Variants in XKR9 observed in about 807,000 individuals in gnomAD.
XKR9 encodes XK related 9, also known as XK-related protein 9.
XKR9 carries 32 observed loss-of-function variants against 32.0 expected under a neutral mutation model. That is an observed-to-expected ratio of 1.00 (90% confidence interval 0.76 to 1.34). The LOEUF (loss-of-function observed/expected upper bound fraction) is 1.34. Among genes scored for constraint, XKR9 ranks in the 40% most tolerant of loss-of-function variants. The pLI is 0.00. For missense variants in XKR9, 546 were observed against 429.7 expected (o/e 1.27, Z -2.39); for synonymous variants, 168 against 143.4 (o/e 1.17, Z -1.22).
the XKR9 span, among the ~76,000 whole-genome samples, chr8:70,974,820 C>T: frequency 7.9e-5 from 12 of 152,218 alleles, no homozygotes; most frequent in Non-Finnish European, 1.3e-4. Context: ...ACCACACTGT[C>T]TTCCACAATG....
chr8:70,673,841 A>G (rs1563414234), intron 1 of XKR9, among the ~76,000 whole-genome samples: 3 of 152,176 alleles, frequency 2.0e-5, no homozygotes, highest in Admixed American at 6.5e-5. Context: ...TTCCTCTCCA[A>G]GAAATCAGAT....
At chr8:70,944,639 G>A in the XKR9 span, among the ~76,000 whole-genome samples, 4 of 152,276 alleles carry the variant, frequency 2.6e-5, no homozygotes, top group African/African-American at 9.6e-5. Flanking sequence ...GATCTTAGGA[G>A]CCACCTCTCT....
the XKR9 span, among the ~76,000 whole-genome samples, chr8:71,026,258 C>T: frequency 1.3e-5 from 2 of 152,150 alleles, no homozygotes; most frequent in Non-Finnish European, 2.9e-5. Flanking sequence ...TATTGGCTTT[C>T]CCCTGTTCCT....
At chr8:70,733,675 A>G (rs577683897) in intron 4 of XKR9, 121 bp from the exon 5 acceptor site, 1 of 933,686 alleles carries the variant, frequency 1.1e-6, no homozygotes, top group South Asian at 2.9e-5. Context: ...TTAGATGAGA[A>G]GAGTAAAGTA....
chr8:71,060,102 A>G, the XKR9 span, among the ~76,000 whole-genome samples: 1 of 152,202 alleles, frequency 6.6e-6, no homozygotes, highest in African/African-American at 2.4e-5. Context: ...GGGACCATAG[A>G]GAGTGTTTAA....
the XKR9 span, among the ~76,000 whole-genome samples, chr8:70,810,078 T>C: frequency 6.6e-6 from 1 of 152,206 alleles, no homozygotes; most frequent in African/African-American, 2.4e-5. Context: ...CCCATCAGAC[T>C]AACAGCTGAT....
chr8:70,991,153 A>G, the XKR9 span, among the ~76,000 whole-genome samples: 1 of 152,144 alleles, frequency 6.6e-6, no homozygotes, highest in African/African-American at 2.4e-5. Context: ...AGGGCAGTAG[A>G]GCTGCCTGTG....
chr8:70,965,210 T>A, the XKR9 span, among the ~76,000 whole-genome samples: 1 of 152,154 alleles, frequency 6.6e-6, no homozygotes, highest in Non-Finnish European at 1.5e-5. Flanking sequence ...ATAATCATGA[T>A]GTTTTTGTCT....
the XKR9 span, among the ~76,000 whole-genome samples, chr8:71,025,740 C>T: frequency 3.3e-5 from 5 of 152,208 alleles, no homozygotes; most frequent in African/African-American, 1.2e-4. Flanking sequence ...ATCCCTCAAA[C>T]CACTGCAGTG....
the XKR9 span, among the ~76,000 whole-genome samples, chr8:70,852,574 A>T: frequency 6.6e-6 from 1 of 152,222 alleles, no homozygotes; most frequent in Admixed American, 6.5e-5. Context: ...CACTATTCAC[A>T]ATAGCAAAGA....
chr8:70,835,178 C>T, the XKR9 span, among the ~76,000 whole-genome samples: 2 of 151,944 alleles, frequency 1.3e-5, no homozygotes, highest in Non-Finnish European at 1.5e-5. Flanking sequence ...ATCTTGAAGA[C>T]GCCATAGCTC....
At chr8:71,016,598 G>A in the XKR9 span, among the ~76,000 whole-genome samples, 1 of 152,160 alleles carries the variant, frequency 6.6e-6, no homozygotes, top group Non-Finnish European at 1.5e-5. Flanking sequence ...AGATTTGTAA[G>A]CCCAATGTGT....
chr8:71,045,470 A>G, the XKR9 span, among the ~76,000 whole-genome samples: 2 of 152,202 alleles, frequency 1.3e-5, no homozygotes, highest in Non-Finnish European at 2.9e-5. Context: ...ATTGTGCCAG[A>G]TCCCAGTGGA....
chr8:70,811,611 T>C, the XKR9 span, among the ~76,000 whole-genome samples: 9 of 152,020 alleles, frequency 5.9e-5, no homozygotes, highest in South Asian at 2.1e-4. Context: ...AAGGGGATAT[T>C]ACCACCGATC....
intron 2 of XKR9, among the ~76,000 whole-genome samples, chr8:70,765,644 A>T (rs1324624116): frequency 2.6e-5 from 4 of 152,090 alleles, no homozygotes; most frequent in African/African-American, 9.7e-5. Flanking sequence ...CTTGCGTTGC[A>T]GTTGCTTTTG....
intron 2 of XKR9, among the ~76,000 whole-genome samples, chr8:70,680,166 T>C (rs985281768): frequency 6.6e-6 from 1 of 152,170 alleles, no homozygotes; most frequent in Non-Finnish European, 1.5e-5. Context: ...TAAAACATCT[T>C]GAAGATCTTC....
chr8:71,017,597 G>A, the XKR9 span, among the ~76,000 whole-genome samples: 83,538 of 152,042 alleles, frequency 0.55, 23,888 homozygotes, highest in Middle Eastern at 0.62. Flanking sequence ...GGGTGTTGAT[G>A]GTTTAGCAGA....
rs776125762 is a variant in XKR9 at position 70,746,305 on chromosome 8, C to G, written n.352+39152C>G. Among the ~76,000 whole-genome samples the G allele has an allele frequency of 2.0e-5, 3 of 148,034 alleles. No individual in the cohort carries two copies. The Admixed American group carries it at 2.0e-4, about 10-fold the overall frequency. On this transcript the variant is annotated intron_variant and non_coding_transcript_variant, in intron 2 of 3. Coordinates refer to the XKR9 transcript ENST00000520273. ...GTGGTTCTCATTCTTTAGTGTGCAT[C>G]AGAATCACCTGAAGTGCTTATTGAA...
At chr8:71,015,312 AT>A in the XKR9 span, among the ~76,000 whole-genome samples, 1 of 152,176 alleles carries the variant, frequency 6.6e-6, no homozygotes, top group African/African-American at 2.4e-5. Context: ...GGAGAGGGAC[AT>A]TAGGGAGGAA....
Sources: allele counts gnomAD v4.1 joint callset (sites outside exome capture counted in the v4.1 genomes callset), GRCh38; gene constraint gnomAD v4.1.1; transcripts MANE v1.5; gene names NCBI Gene and HGNC (gene_info 2026-07-23, HGNC 2026-07-21).